SRSF12: variants seen among roughly 807,000 people sequenced by gnomAD.
SRSF12 encodes serine and arginine rich splicing factor 12.
A neutral mutation model predicts 34.1 loss-of-function variants in SRSF12; 21 were observed. That is an observed-to-expected ratio of 0.62 (90% confidence interval 0.44 to 0.89). The LOEUF is 0.89. Ranked by LOEUF, SRSF12 falls within the 40% of genes least tolerant of loss-of-function variation. The pLI, the probability that SRSF12 is intolerant of heterozygous loss-of-function variation, is 0.00. For missense variants in SRSF12, 278 were observed against 327.8 expected, an observed-to-expected ratio of 0.85 and a Z score of 1.17; for synonymous variants, 111 against 110.8, an observed-to-expected ratio of 1.00 and a Z score of -0.01.
At chr6:89,113,104 T>C (rs1769132355) in intron 1 of SRSF12, among the ~76,000 whole-genome samples, 1 of 152,208 alleles carries the variant, frequency 6.6e-6, no homozygotes, top group Non-Finnish European at 1.5e-5. Flanking sequence ...TGTCCTTAAC[T>C]GATGCATGAC....
chr6:89,113,553 C>T (rs1361901723), intron 1 of SRSF12, among the ~76,000 whole-genome samples: 3 of 152,162 alleles, frequency 2.0e-5, no homozygotes, highest in Admixed American at 1.3e-4. Context: ...AAGTGATCCA[C>T]GTGCCTCGGC....
chr6:89,105,141 T>G lies in SRSF12; in HGVS notation c.394A>C (p.Arg132=). 6.2e-7 allele frequency: 1 copy of G among 1,612,624 alleles called. No individual in the cohort carries two copies. Among genetic ancestry groups the G allele is most frequent in the Non-Finnish European group, 8.5e-7 (1 of 1,179,152 alleles). The change falls in exon 4 of 5, where the codon AGG becomes CGG. Residue 132 remains arginine (R), a synonymous_variant. Coordinates refer to ENST00000452027, the MANE Select transcript of SRSF12 (RefSeq NM_080743.5). ...CACTCTTTAAGGCTGTCTGACCGCC[T>G]CCTATTTCTTCCCCATGAAGAACTT... is the stretch of plus-strand genomic sequence containing the variant. ...SRSSSWGRNR[R]RSDSLKESRH...
At chr6:89,112,097 TC>T (rs1769079319) in intron 1 of SRSF12, among the ~76,000 whole-genome samples, 3 of 151,994 alleles carry the variant, frequency 2.0e-5, no homozygotes, top group East Asian at 3.9e-4. Flanking sequence ...AACCTCCTCC[TC>T]CCCGGTTCAA....
intron 2 of SRSF12, 193 bp downstream of exon 2, chr6:89,106,961 A>C: frequency 1.6e-6 from 1 of 635,178 alleles, no homozygotes; most frequent in Non-Finnish European, 2.9e-6. Flanking sequence ...TTATGCTTGG[A>C]TTCTAGCTAA....
At chr6:89,099,828 C>T (rs561470987) in intron 4 of SRSF12, among the ~76,000 whole-genome samples, 1 of 152,230 alleles carries the variant, frequency 6.6e-6, no homozygotes, top group South Asian at 2.1e-4. Flanking sequence ...AGCTACCACA[C>T]CCAGCCGAAA....
intron 1 of SRSF12, among the ~76,000 whole-genome samples, 168 bp from the exon 2 acceptor site, chr6:89,107,426 A>C (rs1218283070): frequency 6.6e-6 from 1 of 152,122 alleles, no homozygotes; most frequent in Non-Finnish European, 1.5e-5. Context: ...AAGGGAAAAA[A>C]GAAAGGAAAA....
In SRSF12 at chr6:89,118,050, G is replaced by C; in HGVS notation, c.-163C>G. The C allele has an allele frequency of 2.2e-6, 1 of 464,040 alleles. No individual in the cohort carries two copies. The highest frequency in any genetic ancestry group is 3.2e-6 in the Non-Finnish European group (1 of 312,484). 28.7% of individuals were successfully genotyped at this position (464,040 alleles called of 1,614,324 possible). On this transcript the variant is annotated 5_prime_UTR_variant, in exon 1 of 5. Transcript: ENST00000452027. The stretch of plus-strand genomic sequence containing the variant: ...GCAGCCGCAGAGGCCGGCGCAGAGG[G>C]GGCGCAGCGCGGCGCCAGCCTGGAC...
In SRSF12 at chr6:89,111,539, G is replaced by A. The variant is rs566368397; in HGVS notation, c.66-4281C>T. 5.9e-5 allele frequency among the ~76,000 whole-genome samples: 9 copies of A among 152,086 alleles called. No individual in the cohort carries two copies. The South Asian group carries it at 1.9e-3, about 32-fold the overall frequency. On this transcript the variant is annotated intron_variant, in intron 1 of 4. Coordinates refer to ENST00000452027, the MANE Select transcript of SRSF12 (RefSeq NM_080743.5). ...CTTACTAAACTTATTAGTTCTAGCA[G>A]TTTTTTTGTTCATTCCCTAGTATTT...
At chr6:89,111,855 G>T (rs192719043) in intron 1 of SRSF12, among the ~76,000 whole-genome samples, 33 of 152,150 alleles carry the variant, frequency 2.2e-4, no homozygotes, top group African/African-American at 7.5e-4. Flanking sequence ...TGGAGACAGG[G>T]TCTCAGGTCT....
In SRSF12 at chr6:89,117,759, T is replaced by C. The variant is rs572077770; in HGVS notation, c.65+64A>G. 3.5e-5 allele frequency: 51 copies of C among 1,474,250 alleles called. 1 individual carries two copies. The South Asian group carries it at 4.8e-4, about 14-fold the overall frequency. 91.3% of individuals were successfully genotyped at this position (1,474,250 alleles called of 1,614,324 possible). A position where few individuals can be genotyped will look rare whatever the true frequency, so the allele number is the denominator to read the frequency against. On this transcript the variant is annotated intron_variant, in intron 1 of 4. Coordinates refer to ENST00000452027, the MANE Select transcript of SRSF12 (RefSeq NM_080743.5). Reference sequence around the variant, plus strand: ...AGCCTCCGCCGGGCCTCGGCCGTGCTCCGCGGCGCGGCTGTTACCCCGCCC... The same window carrying C: ...AGCCTCCGCCGGGCCTCGGCCGTGCCCCGCGGCGCGGCTGTTACCCCGCCC...
intron 2 of SRSF12, chr6:89,106,834 C>T (rs959004715): frequency 1.3e-5 from 5 of 376,466 alleles, no homozygotes; most frequent in African/African-American, 4.2e-5. Context: ...CTGGTGTTGG[C>T]TTTGTCTTTT....
chr6:89,110,028 T>TTG (rs1011978299), intron 1 of SRSF12, among the ~76,000 whole-genome samples: 28 of 152,224 alleles, frequency 1.8e-4, no homozygotes, highest in Admixed American at 5.9e-4. Context: ...GAGGCGGAGC[T>TTG]TGCAGTGAGC....
chr6:89,109,616 G>A (rs1312239916), intron 1 of SRSF12, among the ~76,000 whole-genome samples: 3 of 152,188 alleles, frequency 2.0e-5, no homozygotes, highest in Non-Finnish European at 2.9e-5. Context: ...GAGGTCTGGA[G>A]TCTGGAAGCC....
chr6:89,107,118 A>C (rs1458433856), intron 2 of SRSF12, 36 bp downstream of exon 2: 1 of 1,547,170 alleles, frequency 6.5e-7, no homozygotes, highest in Admixed American at 1.7e-5. Context: ...ACGCATATAC[A>C]GTATATTCAC....
chr6:89,109,070 T>C (rs1768924003), intron 1 of SRSF12, among the ~76,000 whole-genome samples: 2 of 152,168 alleles, frequency 1.3e-5, no homozygotes, highest in Admixed American at 6.5e-5. Context: ...TCTAGGAATA[T>C]AATGAGAAAC....
intron 1 of SRSF12, among the ~76,000 whole-genome samples, chr6:89,112,370 A>G (rs1168884393): frequency 6.6e-6 from 1 of 151,990 alleles, no homozygotes; most frequent in Non-Finnish European, 1.5e-5. Context: ...AATTTGAAAA[A>G]TATTTGAAAA....
intron 4 of SRSF12, among the ~76,000 whole-genome samples, chr6:89,100,317 C>T (rs1768481022): frequency 6.6e-6 from 1 of 152,102 alleles, no homozygotes; most frequent in Non-Finnish European, 1.5e-5. Flanking sequence ...AGGTAACAAC[C>T]CAGAAGGGCT....
At chr6:89,116,612 T>C (rs1221949779) in intron 1 of SRSF12, among the ~76,000 whole-genome samples, 4 of 151,884 alleles carry the variant, frequency 2.6e-5, no homozygotes, top group African/African-American at 9.7e-5. Context: ...TCATCTCTAC[T>C]AAAAATATAA....
chr6:89,105,303 G>A (rs1404193967), intron 3 of SRSF12, 43 bp from the exon 4 acceptor site: 2 of 1,581,216 alleles, frequency 1.3e-6, no homozygotes, highest in Non-Finnish European at 1.7e-6. Flanking sequence ...TTCGTTACCT[G>A]AACACCACAG....
Sources: gnomAD v4.1 joint callset for allele counts (sites outside exome capture counted in the v4.1 genomes callset) on GRCh38, gnomAD v4.1.1 for gene constraint, MANE v1.5 for transcripts, NCBI Gene and HGNC (gene_info 2026-07-23, HGNC 2026-07-21) for gene names.